Variants in SYT1 observed in about 807,000 individuals in gnomAD.
The protein encoded by SYT1 is synaptotagmin 1.
SYT1 carries 8 observed loss-of-function variants against 44.8 expected under a neutral mutation model. The observed-to-expected ratio is 0.18, with a 90% confidence interval of 0.10 to 0.32. The LOEUF (loss-of-function observed/expected upper bound fraction) is 0.32, where lower values mean the gene tolerates loss of function less well. Among genes scored for constraint, SYT1 ranks in the 10% least tolerant of loss-of-function variants. The pLI is 1.00. For missense variants in SYT1, 286 were observed against 509.3 expected (o/e 0.56, Z 4.22); for synonymous variants, 154 against 188.8 (o/e 0.82, Z 1.51).
chr12:79,316,780 T>A (rs1353613195), intron 8 of SYT1, among the ~76,000 whole-genome samples: 3 of 152,200 alleles, frequency 2.0e-5, no homozygotes, highest in Non-Finnish European at 2.9e-5. Context: ...AGATGCCTTG[T>A]TTACCTGTTT....
At chr12:79,037,461 T>A (rs1344475006) in intron 2 of SYT1, among the ~76,000 whole-genome samples, 1 of 151,826 alleles carries the variant, frequency 6.6e-6, no homozygotes, top group Non-Finnish European at 1.5e-5. Flanking sequence ...TTGACTTGTA[T>A]AATAAAGTGT....
intron 1 of SYT1, among the ~76,000 whole-genome samples, chr12:78,935,073 T>A (rs1229591803): frequency 4.6e-5 from 7 of 152,158 alleles, no homozygotes; most frequent in Non-Finnish European, 1.0e-4. Context: ...AAAATTGAAA[T>A]TTTATAATTT....
At chr12:79,404,874 AC>A (rs1885191520) in intron 9 of SYT1, among the ~76,000 whole-genome samples, 1 of 152,158 alleles carries the variant, frequency 6.6e-6, no homozygotes, top group African/African-American at 2.4e-5. Flanking sequence ...ATCTAGATGT[AC>A]CCTCTTTGTG....
intron 3 of SYT1, among the ~76,000 whole-genome samples, chr12:79,092,494 A>G (rs563032014): frequency 1.3e-5 from 2 of 151,744 alleles, no homozygotes; most frequent in Non-Finnish European, 2.9e-5. Flanking sequence ...CGTAAACTGT[A>G]GATAGCTGAA....
intron 3 of SYT1, among the ~76,000 whole-genome samples, chr12:79,090,101 T>G (rs1877667138): frequency 6.6e-6 from 1 of 152,080 alleles, no homozygotes; most frequent in South Asian, 2.1e-4. Flanking sequence ...CAATAAGAGC[T>G]TATTTACTAT....
At chr12:79,057,089 A>C (rs1875001440) in intron 3 of SYT1, among the ~76,000 whole-genome samples, 1 of 152,058 alleles carries the variant, frequency 6.6e-6, no homozygotes, top group Admixed American at 6.6e-5. Context: ...GCAGAAAGTA[A>C]TTCATAATAA....
intron 2 of SYT1, among the ~76,000 whole-genome samples, chr12:78,988,773 T>C (rs1469094025): frequency 6.6e-6 from 1 of 152,026 alleles, no homozygotes; most frequent in Admixed American, 6.6e-5. Context: ...TGAACAGCCA[T>C]TGGAGGGTTT....
intron 3 of SYT1, among the ~76,000 whole-genome samples, chr12:79,128,933 T>C (rs1242456955): frequency 1.3e-5 from 2 of 152,198 alleles, no homozygotes; most frequent in African/African-American, 4.8e-5. Context: ...CTATTCTTAC[T>C]AGAATTTTGT....
intron 1 of SYT1, among the ~76,000 whole-genome samples, chr12:78,975,329 G>A (rs1487612175): frequency 6.6e-6 from 1 of 152,136 alleles, no homozygotes; most frequent in Non-Finnish European, 1.5e-5. Context: ...TCTGCAGGAC[G>A]AGTTCAGAGA....
intron 8 of SYT1, among the ~76,000 whole-genome samples, chr12:79,305,222 A>G (rs1488131493): frequency 1.3e-5 from 2 of 152,184 alleles, no homozygotes; most frequent in African/African-American, 2.4e-5. Context: ...AAAATCCAAT[A>G]TTTTTTATTT....
intron 3 of SYT1, among the ~76,000 whole-genome samples, chr12:79,071,358 A>G (rs1254171394): frequency 6.6e-6 from 1 of 152,162 alleles, no homozygotes; most frequent in Non-Finnish European, 1.5e-5. Context: ...TGTCCTTAAA[A>G]AGCTCACAGT....
At chr12:79,052,861 G>C (rs1457681396) in intron 3 of SYT1, among the ~76,000 whole-genome samples, 2 of 152,062 alleles carry the variant, frequency 1.3e-5, no homozygotes, top group African/African-American at 4.8e-5. Flanking sequence ...GAAACAACAG[G>C]TGCTGGAGAG....
At chr12:79,377,272 C>T (rs1032421673) in intron 9 of SYT1, among the ~76,000 whole-genome samples, 3 of 152,060 alleles carry the variant, frequency 2.0e-5, no homozygotes, top group East Asian at 1.9e-4. Context: ...CCACCATGCC[C>T]GGCTAATTTT....
At chr12:79,075,282 T>C (rs1355172835) in intron 3 of SYT1, among the ~76,000 whole-genome samples, 1 of 152,192 alleles carries the variant, frequency 6.6e-6, no homozygotes, top group Non-Finnish European at 1.5e-5. Context: ...ACTCTCCATC[T>C]TTGTTACTTC....
At chr12:79,351,979 T>G (rs1309476218) in intron 8 of SYT1, among the ~76,000 whole-genome samples, 1 of 152,118 alleles carries the variant, frequency 6.6e-6, no homozygotes, top group Non-Finnish European at 1.5e-5. Flanking sequence ...AACAGAGTTC[T>G]TGGTAACATA....
chr12:78,970,462 T>C (rs1341776616), intron 1 of SYT1, among the ~76,000 whole-genome samples: 1 of 152,190 alleles, frequency 6.6e-6, no homozygotes, highest in Non-Finnish European at 1.5e-5. Context: ...CTCAGTAGTA[T>C]TATAAACATG....
At chr12:79,444,274 C>T in intron 10 of SYT1, 68 bp downstream of exon 10, 2 of 1,578,898 alleles carry the variant, frequency 1.3e-6, no homozygotes, top group Non-Finnish European at 1.7e-6. Flanking sequence ...ATTATACACA[C>T]AGACCTTGTA....
chr12:79,218,849 T>A (rs1220115957), intron 4 of SYT1, among the ~76,000 whole-genome samples: 2 of 152,158 alleles, frequency 1.3e-5, no homozygotes, highest in South Asian at 2.1e-4. Context: ...CTGTTTGTCA[T>A]ATTGATTTCA....
chr12:79,305,668 A>G (rs758769449), intron 8 of SYT1, among the ~76,000 whole-genome samples: 10 of 152,192 alleles, frequency 6.6e-5, no homozygotes, highest in Non-Finnish European at 1.3e-4. Flanking sequence ...CAATGCCATA[A>G]CTACAATTCA....
Sources: gnomAD v4.1 joint callset for allele counts (sites outside exome capture counted in the v4.1 genomes callset) on GRCh38, gnomAD v4.1.1 for gene constraint, MANE v1.5 for transcripts, NCBI Gene and HGNC (gene_info 2026-07-23, HGNC 2026-07-21) for gene names.